Variants in RYR2 observed in about 807,000 individuals in gnomAD.
The protein encoded by RYR2 is ryanodine receptor 2, also known as cardiac muscle ryanodine receptor-calcium release channel.
In RYR2, 227 loss-of-function variants were observed where a neutral mutation model predicts 601.1. The observed-to-expected ratio is 0.38, with a 90% CI of 0.34 to 0.42. The LOEUF is 0.42. Among genes scored for constraint, RYR2 ranks in the 10% least tolerant of loss-of-function variants. RYR2 has a pLI of 1.00. For synonymous variants in RYR2, 2,223 were observed against 2,175.1 expected (o/e 1.02, Z -0.61); for missense variants, 4,646 against 6,156.5 (o/e 0.75, Z 8.21).
chr1:237,703,111 T>C (rs760212345), intron 66 of RYR2, among the ~76,000 whole-genome samples: 8 of 152,034 alleles, frequency 5.3e-5, no homozygotes, highest in Non-Finnish European at 1.0e-4. Context: ...TGTATTTTTA[T>C]GCTTATTTCC....
chr1:237,579,052 G>A (rs375511992), intron 29 of RYR2, among the ~76,000 whole-genome samples: 171 of 152,192 alleles, frequency 1.1e-3, no homozygotes, highest in African/African-American at 4.0e-3. Flanking sequence ...CAACTAAGAA[G>A]GCCAACCAGT....
At chr1:237,213,465 A>C (rs1682810682) in intron 1 of RYR2, among the ~76,000 whole-genome samples, 1 of 152,180 alleles carries the variant, frequency 6.6e-6, no homozygotes, top group Non-Finnish European at 1.5e-5. Context: ...GGTGTGAGCC[A>C]TTGCGTCTGG....
chr1:237,613,961 A>C (rs192323986), intron 36 of RYR2, 78 bp from the exon 37 acceptor site: 4 of 1,359,438 alleles, frequency 2.9e-6, no homozygotes, highest in African/African-American at 1.4e-5. Flanking sequence ...TTTACAGTGC[A>C]TACTGATTTC....
At chr1:237,387,988 A>C in intron 9 of RYR2, 99 bp from the exon 10 acceptor site, 1 of 1,099,660 alleles carries the variant, frequency 9.1e-7, no homozygotes, top group Admixed American at 2.0e-5. Flanking sequence ...ACTAGACTTC[A>C]GTTTCTTTAC....
At chr1:237,717,122 A>G in intron 71 of RYR2, 76 bp from the exon 72 acceptor site, 1 of 1,312,252 alleles carries the variant, frequency 7.6e-7, no homozygotes, top group Non-Finnish European at 1.1e-6. Flanking sequence ...TGAAGTGACA[A>G]GTTAGGGAAG....
chr1:237,048,465 C>T (rs932424054), intron 1 of RYR2, among the ~76,000 whole-genome samples: 13 of 152,032 alleles, frequency 8.6e-5, no homozygotes, highest in Non-Finnish European at 1.3e-4. Context: ...ACCTAGAATC[C>T]GCCTGCCATT....
intron 42 of RYR2, 28 bp downstream of exon 42, chr1:237,631,569 T>C: frequency 1.1e-5 from 14 of 1,317,732 alleles, no homozygotes; most frequent in African/African-American, 1.5e-5. Flanking sequence ...TGAGATGCTA[T>C]TTAGTATCAT....
intron 80 of RYR2, among the ~76,000 whole-genome samples, chr1:237,753,945 A>G (rs1158025884): frequency 6.7e-6 from 1 of 149,826 alleles, no homozygotes; most frequent in Non-Finnish European, 1.5e-5. Flanking sequence ...TTTAATTTAT[A>G]ATAAACTTTC....
chr1:237,281,743 A>G (rs1218218099), intron 2 of RYR2, among the ~76,000 whole-genome samples: 1 of 152,170 alleles, frequency 6.6e-6, no homozygotes, highest in South Asian at 2.1e-4. Context: ...TCACAAATAC[A>G]ATGCTGAGGG....
intron 99 of RYR2, among the ~76,000 whole-genome samples, chr1:237,808,564 G>T (rs909029031): frequency 4.0e-5 from 6 of 151,696 alleles, no homozygotes; most frequent in Non-Finnish European, 5.9e-5. Flanking sequence ...GGAGGCTGAG[G>T]CAGGAGAATC....
chr1:237,727,182 C>A lies in RYR2; in HGVS notation c.10821C>A (p.Pro3607=). ...RAVVACFRMA[P]LYNLPRHRAV... Reference sequence around the variant, plus strand: ...TTGTAGCCTGCTTCCGGATGGCCCCCTTATATAATCTGCCAAGGTCGGAAT... The same window carrying A: ...TTGTAGCCTGCTTCCGGATGGCCCCATTATATAATCTGCCAAGGTCGGAAT... Residue 3607 remains proline (P), a synonymous_variant, in exon 76 of 105, where the codon CCC becomes CCA. Coordinates refer to ENST00000366574, the MANE Select transcript of RYR2 (RefSeq NM_001035.3). The A allele has an allele frequency of 1.9e-6, 3 of 1,540,900 alleles. No individual in the cohort carries two copies. Among genetic ancestry groups the A allele is most frequent in the Admixed American group, 2.0e-5 (1 of 51,196 alleles).
At chr1:237,257,597 G>A (rs1688115807) in intron 1 of RYR2, among the ~76,000 whole-genome samples, 1 of 152,138 alleles carries the variant, frequency 6.6e-6, no homozygotes, top group African/African-American at 2.4e-5. Flanking sequence ...TATGTGCTGG[G>A]TACCAGGGAT....
At chr1:237,385,737 G>A (rs17630996) in intron 8 of RYR2, among the ~76,000 whole-genome samples, 1,737 of 152,252 alleles carry the variant, frequency 0.011, 14 homozygotes, top group South Asian at 0.028. Flanking sequence ...AGTATTTATG[G>A]AACAGCTTAA....
chr1:237,124,831 C>T (rs528236930), intron 1 of RYR2, among the ~76,000 whole-genome samples: 1 of 152,322 alleles, frequency 6.6e-6, no homozygotes, highest in African/African-American at 2.4e-5. Flanking sequence ...CATCTCCCCA[C>T]CTTTTCCCCC....
intron 3 of RYR2, among the ~76,000 whole-genome samples, chr1:237,340,722 A>G (rs73128908): frequency 0.012 from 1,775 of 152,316 alleles, 32 homozygotes; most frequent in African/African-American, 0.04. Context: ...TAAATTCACA[A>G]ATTTACTAAT....
chr1:237,306,056 A>G (rs935060565), intron 2 of RYR2, among the ~76,000 whole-genome samples: 3 of 152,170 alleles, frequency 2.0e-5, no homozygotes, highest in African/African-American at 4.8e-5. Context: ...CTTAACTACA[A>G]TTTTACTAAT....
At chr1:237,448,308 C>T (rs1157705086) in intron 14 of RYR2, among the ~76,000 whole-genome samples, 2 of 152,052 alleles carry the variant, frequency 1.3e-5, no homozygotes, top group East Asian at 1.9e-4. Context: ...TCGGGGATTT[C>T]CTGAGTATTT....
At chr1:237,219,590 C>T (rs1007779961) in intron 1 of RYR2, among the ~76,000 whole-genome samples, 13 of 152,086 alleles carry the variant, frequency 8.5e-5, no homozygotes, top group Non-Finnish European at 1.6e-4. Context: ...TGATAGCTTC[C>T]CTTGGGGCAC....
chr1:237,153,795 G>C (rs1439180064), intron 1 of RYR2, among the ~76,000 whole-genome samples: 1 of 152,134 alleles, frequency 6.6e-6, no homozygotes, highest in Non-Finnish European at 1.5e-5. Flanking sequence ...CCCCAAGGCT[G>C]TGTTTGTATT....
Sources: gnomAD v4.1 joint callset for allele counts (sites outside exome capture counted in the v4.1 genomes callset) on GRCh38, gnomAD v4.1.1 for gene constraint, MANE v1.5 for transcripts, NCBI Gene and HGNC (gene_info 2026-07-23, HGNC 2026-07-21) for gene names.